Variants in ANK3 observed in about 807,000 individuals in gnomAD.
ANK3 encodes the protein ankyrin 3.
ANK3 carries 57 observed loss-of-function variants against 370.9 expected under a neutral mutation model. The ratio of observed to expected loss-of-function variants is 0.15; its 90% CI spans 0.12 to 0.19. ANK3 has a LOEUF of 0.19. Ranked by LOEUF, ANK3 falls within the 10% of genes least tolerant of loss-of-function variation. ANK3 has a pLI of 1.00. For missense variants in ANK3, 4,439 were observed against 5,302.1 expected (o/e 0.84, Z 5.06); for synonymous variants, 1,929 against 1,946.3 (o/e 0.99, Z 0.23).
At chr10:60,209,241 G>A (rs2132445367) in intron 9 of ANK3, among the ~76,000 whole-genome samples, 1 of 152,272 alleles carries the variant, frequency 6.6e-6, no homozygotes, top group South Asian at 2.1e-4. Context: ...TAATTTGACA[G>A]CAAATTCAGT....
intron 2 of ANK3, among the ~76,000 whole-genome samples, chr10:60,492,987 G>C (rs1305178403): frequency 6.6e-6 from 1 of 151,052 alleles, no homozygotes; most frequent in African/African-American, 2.4e-5. Context: ...GGCTGAGGCA[G>C]GTGAATGGTG....
rs777899600 is a variant in ANK3 at position 60,070,203 on chromosome 10, G to A, written c.10678C>T (p.Arg3560Trp). The A allele has an allele frequency of 5.0e-6, 8 of 1,614,112 alleles. No individual in the cohort carries two copies. The highest frequency in any genetic ancestry group is 2.2e-5 in the East Asian group (1 of 44,864). ...GDDEVFDSKS[R>W]EDETKPFGLA... ...CCAAATGGCTTAGTTTCATCTTCCC[G>A]TGATTTACTGTCAAAAACTTCATCA... is the stretch of plus-strand genomic sequence containing the variant. Residue 3560 changes from arginine to tryptophan, a missense_variant, in exon 37 of 44, where the codon CGG (arginine) becomes TGG (tryptophan). Arg to Trp is a moderately radical substitution (Grantham distance 101). This residue lies in a region of ANK3 where 1,601 missense variants were observed against 1,731.7 expected (regional missense o/e 0.92). Transcript: ENST00000280772. The surrounding 1 kb of genome is among the most constrained non-coding windows in gnomAD (Gnocchi z 5.7).
chr10:60,268,741 TAA>T (rs1346192288), intron 5 of ANK3, among the ~76,000 whole-genome samples: 1 of 152,104 alleles, frequency 6.6e-6, no homozygotes, highest in Non-Finnish European at 1.5e-5. Flanking sequence ...AAATGTTCTG[TAA>T]AAGTGTTGTA....
At chr10:60,386,317 T>C (rs961718115) in intron 1 of ANK3, among the ~76,000 whole-genome samples, 58 of 151,832 alleles carry the variant, frequency 3.8e-4, no homozygotes, top group Admixed American at 1.6e-3. Flanking sequence ...CATTTGTAAG[T>C]GCATTGATAA....
chr10:60,576,820 C>T (rs2077688234), intron 2 of ANK3, among the ~76,000 whole-genome samples: 1 of 152,190 alleles, frequency 6.6e-6, no homozygotes, highest in African/African-American at 2.4e-5. Context: ...TGCCCTCTTC[C>T]TCCACCTGTG....
In ANK3 at chr10:60,414,806, C is replaced by T. The variant is rs986122814; in HGVS notation, c.97-135167G>A. ...TCACCTTTCAGAGTGAGCTAATAGA[C>T]ACCTGAGCAGCATTTGCCAAAGCAG... On this transcript the variant is annotated intron_variant, in intron 2 of 43. Coordinates refer to the ANK3 transcript ENST00000373827. Among the ~76,000 whole-genome samples the T allele has an allele frequency of 5.3e-5, 8 of 152,170 alleles. 1 individual carries two copies. The highest frequency in any genetic ancestry group is 1.2e-4 in the Non-Finnish European group (8 of 68,040).
chr10:60,212,704 G>A (rs1033015208), intron 9 of ANK3, among the ~76,000 whole-genome samples: 1 of 152,076 alleles, frequency 6.6e-6, no homozygotes, highest in Non-Finnish European at 1.5e-5. Flanking sequence ...TGCTTTTGTT[G>A]CTTTGATAAT....
rs764684109 is a variant in ANK3, at chr10:60,070,898, G to A, written c.9983C>T (p.Pro3328Leu). The A allele has an allele frequency of 9.3e-6, 15 of 1,613,942 alleles. No individual in the cohort carries two copies. Among genetic ancestry groups the A allele is most frequent in the Non-Finnish European group, 1.3e-5 (15 of 1,179,976 alleles). Residue 3328 changes from proline to leucine, a missense_variant, in exon 37 of 44, where the codon CCA (proline) becomes CTA (leucine). Pro to Leu is a moderately conservative substitution (Grantham distance 98). This residue lies in a region of ANK3 where 1,601 missense variants were observed against 1,731.7 expected (regional missense o/e 0.92). Transcript: ENST00000280772. This position sits in a 1 kb window ranked among gnomAD's most constrained non-coding sequence, Gnocchi z 5.7. ...SDDESIYQPV[P>L]VKKYTFKLKE... is the part of the protein sequence containing the mutation. ...TAATTTGAAGGTATATTTTTTAACT[G>A]GGACTGGCTGATAAATAGATTCGTC... is the stretch of plus-strand genomic sequence containing the variant.
intron 1 of ANK3, among the ~76,000 whole-genome samples, chr10:60,636,618 C>G (rs554107165): frequency 1.3e-5 from 2 of 152,314 alleles, no homozygotes; most frequent in South Asian, 4.1e-4. Flanking sequence ...CTGTGTTCAG[C>G]TCAAGAAAGA....
chr10:60,365,730 C>T (rs1400647824), intron 1 of ANK3, among the ~76,000 whole-genome samples: 2 of 152,112 alleles, frequency 1.3e-5, no homozygotes, highest in African/African-American at 4.8e-5. Flanking sequence ...TTATTGTTGT[C>T]TCTATCTTAT....
intron 2 of ANK3, among the ~76,000 whole-genome samples, chr10:60,466,046 A>G (rs2065005470): frequency 6.6e-6 from 1 of 152,136 alleles, no homozygotes; most frequent in Non-Finnish European, 1.5e-5. Context: ...TTCCTCCTGC[A>G]TCACACCATG....
At chr10:60,078,329 C>T (rs2084296950) in intron 36 of ANK3, among the ~76,000 whole-genome samples, 1 of 152,124 alleles carries the variant, frequency 6.6e-6, no homozygotes, top group South Asian at 2.1e-4. Context: ...AGGAAAAACT[C>T]GCCTATTCAT....
At chr10:60,151,265 C>A (rs1352041426) in intron 23 of ANK3, among the ~76,000 whole-genome samples, 1 of 152,076 alleles carries the variant, frequency 6.6e-6, no homozygotes, top group Non-Finnish European at 1.5e-5. Context: ...GAAATGTGAT[C>A]CCCAGTGTTG....
intron 7 of ANK3, among the ~76,000 whole-genome samples, chr10:60,240,308 T>TATA (rs1565920200): frequency 3.2e-4 from 25 of 79,196 alleles, no homozygotes; most frequent in Non-Finnish European, 2.5e-4. Flanking sequence ...ATATATATAT[T>TATA]TTTTTTTCTT....
chr10:60,447,475 G>T (rs12245584), intron 2 of ANK3, among the ~76,000 whole-genome samples: 1 of 151,816 alleles, frequency 6.6e-6, no homozygotes, highest in African/African-American at 2.4e-5. Context: ...AAAAGGAGGG[G>T]GTCCGTGCTA....
At chr10:60,150,566 G>A (rs1024776612) in intron 23 of ANK3, among the ~76,000 whole-genome samples, 2 of 152,238 alleles carry the variant, frequency 1.3e-5, no homozygotes, top group Admixed American at 1.3e-4. Context: ...GGGCCTTGTG[G>A]AAGGTATTTG....
intron 25 of ANK3, among the ~76,000 whole-genome samples, chr10:60,115,130 T>C (rs1300079518): frequency 6.6e-6 from 1 of 152,150 alleles, no homozygotes; most frequent in Non-Finnish European, 1.5e-5. Context: ...ATGGAGATTT[T>C]TGGCAGTAAT....
intron 30 of ANK3, among the ~76,000 whole-genome samples, chr10:60,086,289 C>T (rs1589780012): frequency 6.6e-6 from 1 of 152,076 alleles, no homozygotes; most frequent in East Asian, 1.9e-4. Context: ...CAAAGTCCAC[C>T]CAATTTCCTT....
intron 2 of ANK3, among the ~76,000 whole-genome samples, chr10:60,563,434 C>T (rs1384284764): frequency 6.6e-6 from 1 of 152,160 alleles, no homozygotes; most frequent in East Asian, 1.9e-4. Flanking sequence ...TGCAGCCAGC[C>T]AAGCTTTGGA....
Sources: allele counts gnomAD v4.1 joint callset (sites outside exome capture counted in the v4.1 genomes callset), GRCh38; gene constraint gnomAD v4.1.1; regional missense constraint gnomAD v4.1.1; non-coding constraint Gnocchi (gnomAD v3.1); transcripts MANE v1.5; gene names NCBI Gene and HGNC (gene_info 2026-07-23, HGNC 2026-07-21).